ARHGAP24: variants seen among roughly 807,000 people sequenced by gnomAD.
ARHGAP24 encodes Rho GTPase activating protein 24.
A neutral mutation model predicts 76.4 loss-of-function variants in ARHGAP24; 50 were observed. The observed-to-expected ratio is 0.65, with a 90% CI of 0.52 to 0.83. The LOEUF is 0.83. ARHGAP24 is among the 40% of genes least tolerant of loss of function. ARHGAP24 has a pLI of 0.00. For synonymous variants in ARHGAP24, 345 were observed against 323.3 expected (o/e 1.07, Z -0.72); for missense variants, 930 against 914.2 (o/e 1.02, Z -0.22).
chr4:85,734,322 T>C (rs1030882004), intron 3 of ARHGAP24, among the ~76,000 whole-genome samples: 2 of 152,234 alleles, frequency 1.3e-5, no homozygotes, highest in Admixed American at 1.3e-4. Context: ...AGGAAATACA[T>C]TGGACATCTA....
At chr4:85,848,701 G>A (rs1417738172) in intron 3 of ARHGAP24, among the ~76,000 whole-genome samples, 1 of 152,090 alleles carries the variant, frequency 6.6e-6, no homozygotes, top group African/African-American at 2.4e-5. Context: ...TATTAAATAG[G>A]GAATCTTTTC....
chr4:85,715,385 G>T (rs1266430422), intron 2 of ARHGAP24, among the ~76,000 whole-genome samples: 1 of 151,968 alleles, frequency 6.6e-6, no homozygotes, highest in Non-Finnish European at 1.5e-5. Flanking sequence ...TAGCTTAAAG[G>T]TCTGGTATAT....
intron 1 of ARHGAP24, among the ~76,000 whole-genome samples, chr4:85,564,404 GAGC>G (rs1470458372): frequency 2.1e-5 from 3 of 142,312 alleles, no homozygotes; most frequent in Non-Finnish European, 4.4e-5. Context: ...GGGGTGGGGG[GAGC>G]GGGGGGGATA....
At chr4:85,494,715 G>A (rs192516897) in intron 1 of ARHGAP24, among the ~76,000 whole-genome samples, 47 of 151,928 alleles carry the variant, frequency 3.1e-4, no homozygotes, top group East Asian at 2.9e-3. Context: ...AATTAAGTCT[G>A]TCATGTAGGA....
chr4:85,968,730 C>T (rs191436443), intron 5 of ARHGAP24, among the ~76,000 whole-genome samples: 44 of 152,032 alleles, frequency 2.9e-4, no homozygotes, highest in African/African-American at 8.0e-4. Flanking sequence ...TTATTTTCTT[C>T]GGTGAGAAAG....
intron 3 of ARHGAP24, among the ~76,000 whole-genome samples, chr4:85,852,718 G>T (rs1408614654): frequency 1.3e-5 from 2 of 152,210 alleles, no homozygotes; most frequent in Non-Finnish European, 1.5e-5. Flanking sequence ...TCCCTCAGCT[G>T]CAGGTCTGTT....
chr4:85,533,763 C>A (rs970917232), intron 1 of ARHGAP24, among the ~76,000 whole-genome samples: 1 of 151,970 alleles, frequency 6.6e-6, no homozygotes, highest in South Asian at 2.1e-4. Flanking sequence ...TATATAATTA[C>A]ATATTTTTGT....
chr4:85,632,471 G>A (rs1267314773), intron 2 of ARHGAP24, among the ~76,000 whole-genome samples: 2 of 151,968 alleles, frequency 1.3e-5, no homozygotes, highest in African/African-American at 2.4e-5. Flanking sequence ...ATTGGGGCAA[G>A]GCCTCAGAAC....
At chr4:85,936,075 A>G (rs1346575057) in intron 4 of ARHGAP24, among the ~76,000 whole-genome samples, 1 of 152,154 alleles carries the variant, frequency 6.6e-6, no homozygotes, top group South Asian at 2.1e-4. Flanking sequence ...CCCATTTGCT[A>G]TGGGTGAATG....
intron 2 of ARHGAP24, among the ~76,000 whole-genome samples, chr4:85,616,833 G>A (rs1290805342): frequency 6.6e-6 from 1 of 151,970 alleles, no homozygotes; most frequent in African/African-American, 2.4e-5. Context: ...TCACCATGTT[G>A]ACCAGGCTGG....
At chr4:85,925,875 G>A (rs1284065718) in intron 4 of ARHGAP24, among the ~76,000 whole-genome samples, 2 of 152,014 alleles carry the variant, frequency 1.3e-5, no homozygotes, top group Admixed American at 1.3e-4. Flanking sequence ...TCTTTTCAAA[G>A]CTCCCATTGT....
At chr4:85,909,921 G>A (rs545878378) in intron 3 of ARHGAP24, among the ~76,000 whole-genome samples, 4 of 152,310 alleles carry the variant, frequency 2.6e-5, no homozygotes, top group Middle Eastern at 3.4e-3. Flanking sequence ...CAGGCCCGCT[G>A]GGCTTTTTCC....
chr4:85,881,027 A>G (rs6855183), intron 3 of ARHGAP24, among the ~76,000 whole-genome samples: 10,291 of 152,206 alleles, frequency 0.068, 471 homozygotes, highest in Middle Eastern at 0.11. Flanking sequence ...GGCATATCCG[A>G]ATTGCCACCA....
intron 2 of ARHGAP24, among the ~76,000 whole-genome samples, chr4:85,703,271 A>T (rs1724167251): frequency 6.6e-6 from 1 of 152,160 alleles, no homozygotes; most frequent in Admixed American, 6.6e-5. Flanking sequence ...AGTACGTGTC[A>T]TGTGAAAGGC....
chr4:85,931,177 G>A (rs530095654), intron 4 of ARHGAP24: 40 of 873,336 alleles, frequency 4.6e-5, no homozygotes, highest in South Asian at 2.1e-4. Context: ...TGATTTGTGC[G>A]TATCCTTGCT....
chr4:85,867,910 C>CATATATGTATGTACATATAT (rs1732295256), intron 3 of ARHGAP24, among the ~76,000 whole-genome samples: 1 of 144,268 alleles, frequency 6.9e-6, no homozygotes, highest in East Asian at 2.0e-4. Flanking sequence ...TATATATATA[C>CATATATGTATGTACATATAT]ATATATGTAC....
intron 3 of ARHGAP24, among the ~76,000 whole-genome samples, chr4:85,854,135 C>CAAAAAAAAAAAAA (rs35799327): frequency 1.2e-5 from 1 of 85,558 alleles, no homozygotes; most frequent in Non-Finnish European, 2.3e-5. Flanking sequence ...GACTCTGTCT[C>CAAAAAAAAAAAAA]AAAAAAAAAA....
intron 2 of ARHGAP24, among the ~76,000 whole-genome samples, chr4:85,667,508 T>C (rs1051869650): frequency 1.8e-4 from 27 of 152,146 alleles, no homozygotes; most frequent in African/African-American, 4.6e-4. Context: ...GCACCCACTG[T>C]CCTGCACCCA....
chr4:85,877,769 C>T (rs1043148092), intron 3 of ARHGAP24, among the ~76,000 whole-genome samples: 1 of 151,940 alleles, frequency 6.6e-6, no homozygotes, highest in African/African-American at 2.4e-5. Flanking sequence ...TTTAAGAAAA[C>T]TTACTAAACT....
Sources: gnomAD v4.1 joint callset for allele counts (sites outside exome capture counted in the v4.1 genomes callset) on GRCh38, gnomAD v4.1.1 for gene constraint, MANE v1.5 for transcripts, NCBI Gene and HGNC (gene_info 2026-07-23, HGNC 2026-07-21) for gene names.